Variants in PLCB1 observed in about 807,000 individuals in gnomAD.
The protein encoded by PLCB1 is phospholipase C beta 1, also known as 1-phosphatidylinositol 4,5-bisphosphate phosphodiesterase beta-1.
Under a neutral mutation model 161.8 loss-of-function variants are expected in PLCB1, and 46 were observed. The observed-to-expected ratio is 0.28, with a 90% CI of 0.22 to 0.36. The LOEUF (loss-of-function observed/expected upper bound fraction) is 0.36, where lower values mean the gene tolerates loss of function less well. Among genes scored for constraint, PLCB1 ranks in the 10% least tolerant of loss-of-function variants. PLCB1 has a pLI of 1.00. For missense variants in PLCB1, 1,016 were observed against 1,472.5 expected (o/e 0.69, Z 5.07); for synonymous variants, 517 against 503.7 (o/e 1.03, Z -0.35).
intron 18 of PLCB1, 176 bp downstream of exon 18, chr20:8,729,350 C>T (rs1271797523): frequency 1.2e-5 from 5 of 424,948 alleles, no homozygotes; most frequent in African/African-American, 2.0e-5. Context: ...AAAATCGAGA[C>T]ATGTTCTTCA....
chr20:8,173,014 C>T (rs569491411), intron 2 of PLCB1, among the ~76,000 whole-genome samples: 5 of 152,260 alleles, frequency 3.3e-5, no homozygotes, highest in Non-Finnish European at 7.4e-5. Flanking sequence ...AGGGATCAGT[C>T]GGGAATTCAG....
intron 3 of PLCB1, among the ~76,000 whole-genome samples, chr20:8,606,671 G>A (rs1987767655): frequency 6.6e-6 from 1 of 152,142 alleles, no homozygotes; most frequent in Admixed American, 6.5e-5. Flanking sequence ...CATCAATTCT[G>A]TCAGGCTTTG....
Position 8,690,150 on chromosome 20 carries a change from G to T in PLCB1, c.1009+5072G>T, listed in dbSNP as rs78066830. On this transcript the variant is annotated intron_variant, in intron 10 of 31. Coordinates refer to ENST00000338037, the MANE Select transcript of PLCB1 (RefSeq NM_015192.4). ...TCTAAGGGGTTTTGTTTTTGCTGTT[G>T]TTTTTTTTTTTTATCTTGCTCCCTT... Among the ~76,000 whole-genome samples the T allele has an allele frequency of 1.2e-3, 50 of 42,322 alleles. No homozygotes were observed. In the South Asian group the frequency reaches 0.013, roughly 11 times the overall value. 27.8% of individuals were successfully genotyped at this position (42,322 alleles called of 152,430 possible). A position where few individuals can be genotyped will look rare whatever the true frequency, so the allele number is the denominator to read the frequency against.
intron 4 of PLCB1, among the ~76,000 whole-genome samples, chr20:8,633,795 C>A (rs766098584): frequency 6.6e-6 from 1 of 152,120 alleles, no homozygotes; most frequent in Non-Finnish European, 1.5e-5. Flanking sequence ...TAGATATCCA[C>A]CCTACTAACA....
intron 2 of PLCB1, among the ~76,000 whole-genome samples, chr20:8,347,200 C>T (rs931532155): frequency 5.9e-5 from 9 of 152,152 alleles, no homozygotes; most frequent in African/African-American, 2.2e-4. Flanking sequence ...TTGGGAATTA[C>T]CTCTGTATTG....
chr20:8,350,104 T>G (rs546195123), intron 2 of PLCB1, among the ~76,000 whole-genome samples: 1 of 152,318 alleles, frequency 6.6e-6, no homozygotes, highest in South Asian at 2.1e-4. Context: ...TTATTTTATC[T>G]GGGGTTCATG....
At chr20:8,503,019 G>T (rs923108054) in intron 3 of PLCB1, among the ~76,000 whole-genome samples, 1 of 152,124 alleles carries the variant, frequency 6.6e-6, no homozygotes, top group African/African-American at 2.4e-5. Flanking sequence ...TCCTTCCACT[G>T]ACCAGCTATG....
intron 16 of PLCB1, among the ~76,000 whole-genome samples, chr20:8,726,625 A>T (rs996045354): frequency 2.0e-5 from 3 of 152,076 alleles, no homozygotes; most frequent in African/African-American, 7.2e-5. Context: ...CATTATCATG[A>T]GAACAACACA....
intron 2 of PLCB1, among the ~76,000 whole-genome samples, chr20:8,370,391 G>A (rs368996957): frequency 6.6e-6 from 1 of 152,126 alleles, no homozygotes; most frequent in African/African-American, 2.4e-5. Context: ...GTCCTCCCAC[G>A]TGAATCCGCT....
At chr20:8,746,210 G>A (rs888711859) in intron 23 of PLCB1, among the ~76,000 whole-genome samples, 3 of 152,114 alleles carry the variant, frequency 2.0e-5, no homozygotes, top group African/African-American at 7.2e-5. Flanking sequence ...GGGATTACAG[G>A]TATGAGCCAC....
Position 8,697,607 on chromosome 20 carries a change from T to C in PLCB1, c.1010-19T>C. 3 of 1,613,584 alleles carry C rather than the reference T, an allele frequency of 1.9e-6. No homozygotes were observed. Among genetic ancestry groups the C allele is most frequent in the Non-Finnish European group, 2.5e-6 (3 of 1,179,678 alleles). On this transcript the variant is annotated intron_variant, in intron 10 of 31. Coordinates refer to ENST00000338037, the MANE Select transcript of PLCB1 (RefSeq NM_015192.4). Reference sequence around the variant, plus strand: ...TTGCTTCATGGGAATCTGGGGTTTGTTTTGTTGGTGTTTTATAGCTGGCCA... The same window carrying C: ...TTGCTTCATGGGAATCTGGGGTTTGCTTTGTTGGTGTTTTATAGCTGGCCA...
At chr20:8,637,491 G>A (rs1988798751) in intron 4 of PLCB1, among the ~76,000 whole-genome samples, 1 of 152,038 alleles carries the variant, frequency 6.6e-6, no homozygotes, top group South Asian at 2.1e-4. Flanking sequence ...GTAATGAGTA[G>A]GAAACTGGAA....
chr20:8,217,072 T>A (rs1175162481), intron 2 of PLCB1, among the ~76,000 whole-genome samples: 3 of 152,162 alleles, frequency 2.0e-5, no homozygotes, highest in Non-Finnish European at 4.4e-5. Context: ...TGATGAAGCC[T>A]TTGTCCACCT....
intron 2 of PLCB1, among the ~76,000 whole-genome samples, chr20:8,185,829 A>C (rs1036133076): frequency 1.3e-5 from 2 of 152,098 alleles, no homozygotes; most frequent in African/African-American, 4.8e-5. Flanking sequence ...AATTTGATTG[A>C]CTTTTTGGTT....
intron 3 of PLCB1, among the ~76,000 whole-genome samples, chr20:8,444,356 T>C (rs1240018384): frequency 1.3e-5 from 2 of 152,200 alleles, no homozygotes; most frequent in Admixed American, 6.5e-5. Flanking sequence ...GCTTCATCCA[T>C]GTCCCTACAA....
intron 3 of PLCB1, among the ~76,000 whole-genome samples, chr20:8,627,228 T>C (rs960353626): frequency 1.3e-5 from 2 of 152,234 alleles, no homozygotes; most frequent in African/African-American, 4.8e-5. Flanking sequence ...TGGCACCAAG[T>C]AAAGTAACTC....
intron 31 of PLCB1, among the ~76,000 whole-genome samples, chr20:8,863,563 A>G (rs73089628): frequency 1.7e-3 from 260 of 152,358 alleles, no homozygotes; most frequent in Non-Finnish European, 3.4e-3. Context: ...TGTGTTTCTA[A>G]CAAGATCCCA....
chr20:8,339,604 T>G (rs141315602), intron 2 of PLCB1, among the ~76,000 whole-genome samples: 5 of 152,316 alleles, frequency 3.3e-5, no homozygotes, highest in African/African-American at 9.6e-5. Context: ...CCTCTGCCTG[T>G]TTTCTCTCAC....
At chr20:8,649,196 G>T (rs1473697) in intron 6 of PLCB1, among the ~76,000 whole-genome samples, 178 bp from the exon 7 acceptor site, 2 of 151,960 alleles carry the variant, frequency 1.3e-5, no homozygotes, top group African/African-American at 2.4e-5. Flanking sequence ...TTAAAAGCAC[G>T]CAGTTGATCT....
Sources: allele counts gnomAD v4.1 joint callset (sites outside exome capture counted in the v4.1 genomes callset), GRCh38; gene constraint gnomAD v4.1.1; transcripts MANE v1.5; gene names NCBI Gene and HGNC (gene_info 2026-07-23, HGNC 2026-07-21).